NAV3: variants seen among roughly 807,000 people sequenced by gnomAD.
The protein encoded by NAV3 is neuron navigator 3, also known as pore membrane and/or filament interacting like protein 1.
A neutral mutation model predicts 244.7 loss-of-function variants in NAV3; 87 were observed. That is an observed-to-expected ratio of 0.36 (90% CI 0.30 to 0.42). The LOEUF (loss-of-function observed/expected upper bound fraction) is 0.42, where lower values mean the gene tolerates loss of function less well. Ranked by LOEUF, NAV3 falls within the 20% of genes least tolerant of loss-of-function variation. The probability of loss-of-function intolerance (pLI) is 1.00; values close to 1 mark genes in which losing one functional copy is unlikely to be tolerated. For missense variants in NAV3, 2,663 were observed against 2,893.3 expected, an observed-to-expected ratio of 0.92 and a Z score of 1.83; for synonymous variants, 1,126 against 1,042.2, an observed-to-expected ratio of 1.08 and a Z score of -1.55.
intron 7 of NAV3, among the ~76,000 whole-genome samples, chr12:78,001,875 T>A (rs896468344): frequency 6.6e-6 from 1 of 152,150 alleles, no homozygotes; most frequent in Admixed American, 6.5e-5. Context: ...CTTTTGAGAG[T>A]GCTTCAGTTT....
At chr12:78,186,266 T>C (rs1349516911) in intron 31 of NAV3, among the ~76,000 whole-genome samples, 1 of 151,914 alleles carries the variant, frequency 6.6e-6, no homozygotes. Flanking sequence ...TATCCCTTTC[T>C]TAAAACAACA....
At chr12:78,083,298 C>T (rs911954535) in intron 12 of NAV3, among the ~76,000 whole-genome samples, 6 of 152,126 alleles carry the variant, frequency 3.9e-5, no homozygotes, top group Admixed American at 3.3e-4. Flanking sequence ...GCTCAGCCCT[C>T]ATGACCCGGT....
At chr12:78,148,737 G>C (rs1017067445) in intron 21 of NAV3, 105 bp from the exon 22 acceptor site, 5 of 875,116 alleles carry the variant, frequency 5.7e-6, no homozygotes, top group Non-Finnish European at 9.0e-6. Context: ...CTGATACAAT[G>C]GGGTTAGAAT....
chr12:77,729,059 A>T (rs1877010645), intron 2 of NAV3, among the ~76,000 whole-genome samples: 1 of 152,086 alleles, frequency 6.6e-6, no homozygotes, highest in Non-Finnish European at 1.5e-5. Flanking sequence ...TATATAATAC[A>T]TGTAACATGC....
rs1050731907 is a variant in NAV3 at position 78,212,527 on chromosome 12, A to G, written c.*2010A>G. 6 of 152,648 alleles carry G rather than the reference A, an allele frequency of 3.9e-5. No individual in the cohort carries two copies. The highest frequency in any genetic ancestry group is 1.4e-4 in the African/African-American group (6 of 41,462). 9.5% of individuals were successfully genotyped at this position (152,648 alleles called of 1,614,324 possible). On this transcript the variant is annotated 3_prime_UTR_variant, in exon 40 of 40. Transcript: ENST00000397909. ...ATTGTCACCCTGACTTTGAAGCCTCAAACATGGATCAAATCTGTTGTGAAA... is the reference window on the plus strand; with the variant it reads ...ATTGTCACCCTGACTTTGAAGCCTCGAACATGGATCAAATCTGTTGTGAAA...
At chr12:77,634,082 G>A (rs1412469535) in intron 2 of NAV3, among the ~76,000 whole-genome samples, 4 of 150,336 alleles carry the variant, frequency 2.7e-5, no homozygotes, top group South Asian at 4.2e-4. Context: ...TTATATTTTT[G>A]TGTGTATTTT....
chr12:77,755,607 CTCCCTCCT>C (rs1206248115), intron 2 of NAV3, among the ~76,000 whole-genome samples: 24 of 58,250 alleles, frequency 4.1e-4, no homozygotes, highest in East Asian at 2.3e-3. Context: ...CCCTCCCTCC[CTCCCTCCT>C]TCCTTCCTTC....
chr12:77,584,422 C>A lies in NAV3; in HGVS notation c.72+12156C>A, dbSNP rs574130012. ...CCAAAGCAGCTCTCACATAGTATAC[C>A]AAAAAAAAAATTTTTTTTTTAATGA... On this transcript the variant is annotated intron_variant, in intron 2 of 8. Coordinates refer to the NAV3 transcript ENST00000550042. 2.3e-4 allele frequency among the ~76,000 whole-genome samples: 35 copies of A among 150,190 alleles called. No individual in the cohort carries two copies. The East Asian group carries it at 4.9e-3, about 21-fold the overall frequency.
chr12:78,142,345 T>G (rs1323980619), intron 20 of NAV3, among the ~76,000 whole-genome samples: 1 of 152,110 alleles, frequency 6.6e-6, no homozygotes. Context: ...CCAGTAGACC[T>G]TTCTGTGTTA....
intron 2 of NAV3, among the ~76,000 whole-genome samples, chr12:77,725,508 T>C (rs1266050199): frequency 6.6e-6 from 1 of 151,764 alleles, no homozygotes; most frequent in Non-Finnish European, 1.5e-5. Flanking sequence ...TTTAATTTCA[T>C]GTGCTCAGTA....
upstream of NAV3, among the ~76,000 whole-genome samples, chr12:77,829,785 A>C (rs1873406733): frequency 6.6e-6 from 1 of 152,178 alleles, no homozygotes; most frequent in African/African-American, 2.4e-5. Context: ...TGGCTCTTTC[A>C]TCTATAAATT....
intron 2 of NAV3, among the ~76,000 whole-genome samples, chr12:77,660,684 C>T (rs373026795): frequency 6.6e-6 from 1 of 152,016 alleles, no homozygotes; most frequent in African/African-American, 2.4e-5. Flanking sequence ...TATATGTATA[C>T]CATTACTTTA....
rs565396476 is a variant in NAV3, at chr12:77,650,716, C to T, written c.72+78450C>T. Among the ~76,000 whole-genome samples the T allele has an allele frequency of 2.6e-5, 4 of 151,998 alleles. No individual in the cohort carries two copies. In the South Asian group the frequency reaches 8.3e-4, roughly 32 times the overall value. Reference sequence around the variant, plus strand: ...ATTTTTGTTTCATGGATGTTATAAACCTGAAAGTGTCTTGGAGCCTGATAT... The same window carrying T: ...ATTTTTGTTTCATGGATGTTATAAATCTGAAAGTGTCTTGGAGCCTGATAT... On this transcript the variant is annotated intron_variant, in intron 2 of 8. Coordinates refer to the NAV3 transcript ENST00000550042.
At chr12:78,208,924 G>A (rs980517437) in intron 39 of NAV3, among the ~76,000 whole-genome samples, 3 of 152,046 alleles carry the variant, frequency 2.0e-5, no homozygotes, top group Non-Finnish European at 4.4e-5. Flanking sequence ...AATGGGAGAA[G>A]GAATATGAAT....
intron 20 of NAV3, among the ~76,000 whole-genome samples, chr12:78,140,883 AT>A (rs1053413164): frequency 2.0e-5 from 3 of 150,398 alleles, no homozygotes; most frequent in Non-Finnish European, 4.4e-5. Context: ...TTTTTATTTT[AT>A]TTTATTTATT....
intron 23 of NAV3, among the ~76,000 whole-genome samples, chr12:78,165,168 C>A (rs527956943): frequency 3.6e-4 from 55 of 152,094 alleles, no homozygotes; most frequent in Non-Finnish European, 8.8e-5. Context: ...GTGTTGGGGG[C>A]ATCATTATCT....
At chr12:78,154,121 G>C (rs1259707153) in intron 22 of NAV3, among the ~76,000 whole-genome samples, 2 of 142,506 alleles carry the variant, frequency 1.4e-5, no homozygotes, top group Non-Finnish European at 3.0e-5. Flanking sequence ...AAATGCTCTA[G>C]GCATATATGT....
At chr12:77,759,111 A>T (rs1054441391) in intron 2 of NAV3, among the ~76,000 whole-genome samples, 3 of 152,174 alleles carry the variant, frequency 2.0e-5, no homozygotes, top group Non-Finnish European at 4.4e-5. Flanking sequence ...GTCTATATGA[A>T]TGCTTCCTCA....
chr12:78,033,679 A>G (rs1345706859), intron 9 of NAV3, among the ~76,000 whole-genome samples: 1 of 152,172 alleles, frequency 6.6e-6, no homozygotes, highest in Non-Finnish European at 1.5e-5. Flanking sequence ...ATATCTTTGA[A>G]CAAAGAGACA....
Sources: allele counts gnomAD v4.1 joint callset (sites outside exome capture counted in the v4.1 genomes callset), GRCh38; gene constraint gnomAD v4.1.1; transcripts MANE v1.5; gene names NCBI Gene and HGNC (gene_info 2026-07-23, HGNC 2026-07-21).